The following HRH1 variants were observed in gnomAD, a reference collection of about 807,000 sequenced individuals.
HRH1 encodes the protein histamine receptor H1.
In HRH1, 6 loss-of-function variants were observed where a neutral mutation model predicts 10.3. The observed-to-expected ratio is 0.58, with a 90% CI of 0.32 to 1.15. The LOEUF (loss-of-function observed/expected upper bound fraction) is 1.15, where lower values mean the gene tolerates loss of function less well. Among genes scored for constraint, HRH1 ranks in the 50% most tolerant of loss-of-function variants. The pLI, the probability that HRH1 is intolerant of heterozygous loss-of-function variation, is 0.05. For missense variants in HRH1, 514 were observed against 615.3 expected, an observed-to-expected ratio of 0.84 and a Z score of 1.74; for synonymous variants, 242 against 236.7, an observed-to-expected ratio of 1.02 and a Z score of -0.21.
upstream of HRH1, among the ~76,000 whole-genome samples, chr3:11,152,473 G>A (rs1023130609): frequency 1.4e-4 from 21 of 152,168 alleles, no homozygotes; most frequent in African/African-American, 5.1e-4. Flanking sequence ...ATCACCATGG[G>A]TTTAGCAGGC....
At chr3:11,234,606 A>G (rs1368583055) in intron 1 of HRH1, 39 of 1,439,016 alleles carry the variant, frequency 2.7e-5, no homozygotes, top group Admixed American at 1.7e-5. Context: ...CCAATTCTGC[A>G]TTGCTTGGAG....
intron 1 of HRH1, among the ~76,000 whole-genome samples, chr3:11,238,576 C>T (rs983536649): frequency 6.6e-6 from 1 of 152,088 alleles, no homozygotes; most frequent in Non-Finnish European, 1.5e-5. Context: ...TAAAATTCAC[C>T]CATTCTAAGT....
rs1194974604 is a variant in HRH1 at position 11,196,772 on chromosome 3, TC to T, written c.-36+42220del. On this transcript the variant is annotated intron_variant, in intron 1 of 1. Transcript: ENST00000431010. ...ATGTAGCTGTTCAGCTAAAGTGTGA[TC>T]CATGGACTAGCAGCATCAGGATCAC... Among the ~76,000 whole-genome samples the T allele has an allele frequency of 3.3e-5, 5 of 151,932 alleles. No homozygotes were observed. In the East Asian group the frequency reaches 9.7e-4, roughly 29 times the overall value.
At chr3:11,161,635 G>T (rs1183582959) in intron 1 of HRH1, among the ~76,000 whole-genome samples, 1 of 152,206 alleles carries the variant, frequency 6.6e-6, no homozygotes, top group African/African-American at 2.4e-5. Flanking sequence ...AGAGCGCCTG[G>T]CACTTCATGG....
chr3:11,186,218 G>A (rs906915754), intron 1 of HRH1, among the ~76,000 whole-genome samples: 6 of 152,140 alleles, frequency 3.9e-5, no homozygotes, highest in African/African-American at 1.4e-4. Flanking sequence ...CTATACCTCT[G>A]GGATGTGGGC....
At chr3:11,223,233 C>T (rs1036478136) in intron 1 of HRH1, among the ~76,000 whole-genome samples, 10 of 143,144 alleles carry the variant, frequency 7.0e-5, no homozygotes, top group South Asian at 6.6e-4. Flanking sequence ...GTGGCTCATG[C>T]CTGTAATCCC....
chr3:11,200,303 T>A (rs1208137360), intron 1 of HRH1, among the ~76,000 whole-genome samples: 1 of 152,196 alleles, frequency 6.6e-6, no homozygotes, highest in Non-Finnish European at 1.5e-5. Context: ...GAGTATACAT[T>A]TCCTTATTAC....
At chr3:11,247,906 A>G (rs2152584321) in intron 1 of HRH1, among the ~76,000 whole-genome samples, 1 of 152,342 alleles carries the variant, frequency 6.6e-6, no homozygotes, top group South Asian at 2.1e-4. Context: ...GCATCCTACA[A>G]GAATGAGCAC....
At chr3:11,144,272 T>G (rs1348466667) in intron 1 of HRH1, among the ~76,000 whole-genome samples, 1 of 151,252 alleles carries the variant, frequency 6.6e-6, no homozygotes, top group African/African-American at 2.4e-5. Context: ...GCAGCACTAT[T>G]CACAACAACA....
At chr3:11,184,599 A>G (rs1937416678) in intron 1 of HRH1, among the ~76,000 whole-genome samples, 1 of 152,094 alleles carries the variant, frequency 6.6e-6, no homozygotes. Context: ...CGAGATAATG[A>G]TTTCCAAGCA....
intron 1 of HRH1, among the ~76,000 whole-genome samples, chr3:11,211,768 G>A (rs1938334252): frequency 1.3e-5 from 2 of 152,214 alleles, no homozygotes. Flanking sequence ...GAGCTAAAAT[G>A]TGCCTCCCTG....
chr3:11,138,023 CT>C (rs971446469), intron 1 of HRH1, among the ~76,000 whole-genome samples: 9 of 148,720 alleles, frequency 6.1e-5, no homozygotes, highest in South Asian at 4.3e-4. Flanking sequence ...ACAAGGAACT[CT>C]TTTTTTTTTG....
chr3:11,183,757 G>A (rs528912963), intron 1 of HRH1, among the ~76,000 whole-genome samples: 7 of 150,030 alleles, frequency 4.7e-5, no homozygotes, highest in East Asian at 3.9e-4. Context: ...TCGCTCTGTC[G>A]CCCAGGCTGG....
At chr3:11,189,769 T>A (rs729649) in intron 1 of HRH1, among the ~76,000 whole-genome samples, 63,437 of 120,430 alleles carry the variant, frequency 0.53, 13,551 homozygotes, top group Admixed American at 0.62. Flanking sequence ...ACTAAAAAAA[T>A]AAATAAATAA....
At chr3:11,185,397 C>A (rs1029143949) in intron 1 of HRH1, among the ~76,000 whole-genome samples, 1 of 152,228 alleles carries the variant, frequency 6.6e-6, no homozygotes, top group Non-Finnish European at 1.5e-5. Flanking sequence ...CCTCCCACAG[C>A]ACTTTGTCTA....
chr3:11,139,916 G>C (rs1197445557), intron 1 of HRH1, among the ~76,000 whole-genome samples: 1 of 152,178 alleles, frequency 6.6e-6, no homozygotes, highest in Admixed American at 6.5e-5. Context: ...GCACAACATT[G>C]TGACTATACT....
intron 1 of HRH1, among the ~76,000 whole-genome samples, chr3:11,155,013 A>C (rs1936752157): frequency 6.6e-6 from 1 of 152,196 alleles, no homozygotes; most frequent in Non-Finnish European, 1.5e-5. Context: ...CTCATTTTAC[A>C]GAGGAGGAAA....
At chr3:11,155,717 C>T (rs904794952) in intron 1 of HRH1, among the ~76,000 whole-genome samples, 19 of 152,060 alleles carry the variant, frequency 1.2e-4, no homozygotes, top group African/African-American at 4.6e-4. Context: ...GGGCCAGAAA[C>T]CTGTGACAGG....
At chr3:11,230,194 A>T (rs569831510) in intron 1 of HRH1, among the ~76,000 whole-genome samples, 1 of 152,338 alleles carries the variant, frequency 6.6e-6, no homozygotes, top group South Asian at 2.1e-4. Context: ...TCAGGGGAAG[A>T]TGAGAGAGAC....
Sources: allele counts gnomAD v4.1 joint callset (sites outside exome capture counted in the v4.1 genomes callset), GRCh38; gene constraint gnomAD v4.1.1; transcripts MANE v1.5; gene names NCBI Gene and HGNC (gene_info 2026-07-23, HGNC 2026-07-21).